The following SAMD3 variants were observed in gnomAD, a reference collection of about 807,000 sequenced individuals.
The protein encoded by SAMD3 is sterile alpha motif domain-containing protein 3.
In SAMD3, 63 loss-of-function variants were observed where a neutral mutation model predicts 58.5. The observed-to-expected ratio is 1.08, with a 90% CI of 0.88 to 1.33. SAMD3 has a LOEUF of 1.33. Ranked by LOEUF, SAMD3 falls within the 40% of genes most tolerant of loss-of-function variation. The pLI, the probability that SAMD3 is intolerant of heterozygous loss-of-function variation, is 0.00. For synonymous variants in SAMD3, 220 were observed against 210.3 expected, an observed-to-expected ratio of 1.05 and a Z score of -0.40; for missense variants, 604 against 608.4, an observed-to-expected ratio of 0.99 and a Z score of 0.08.
At chr6:130,317,093 T>G (rs1776402255) in intron 1 of SAMD3, among the ~76,000 whole-genome samples, 1 of 152,174 alleles carries the variant, frequency 6.6e-6, no homozygotes, top group Non-Finnish European at 1.5e-5. Context: ...ACAATTTGGA[T>G]GTACTAGTAG....
intron 2 of SAMD3, chr6:130,215,695 A>T: frequency 6.9e-7 from 1 of 1,449,776 alleles, no homozygotes; most frequent in Non-Finnish European, 9.1e-7. Flanking sequence ...AGTGGTTGAC[A>T]TTTACAGAAG....
chr6:130,203,026 A>G (rs1794782953), intron 5 of SAMD3, among the ~76,000 whole-genome samples: 1 of 152,188 alleles, frequency 6.6e-6, no homozygotes, highest in Non-Finnish European at 1.5e-5. Context: ...TTCTACAGCA[A>G]CAACCGACTG....
intron 2 of SAMD3, chr6:130,215,559 A>T: frequency 7.5e-7 from 1 of 1,329,744 alleles, no homozygotes; most frequent in Non-Finnish European, 9.6e-7. Flanking sequence ...TTCCACAGGC[A>T]TCTCTAAGCT....
chr6:130,184,966 A>G (rs1336481881), intron 5 of SAMD3, among the ~76,000 whole-genome samples: 1 of 152,256 alleles, frequency 6.6e-6, no homozygotes, highest in Non-Finnish European at 1.5e-5. Flanking sequence ...TAACAAAAAG[A>G]AAATACATTG....
intron 8 of SAMD3, chr6:130,159,555 T>C (rs1790095899): frequency 6.6e-6 from 1 of 152,178 alleles, no homozygotes; most frequent in Non-Finnish European, 1.5e-5. Flanking sequence ...TCGAGGAAGT[T>C]GGTGCAAATT....
chr6:130,149,779 G>T (rs963292173), intron 9 of SAMD3, among the ~76,000 whole-genome samples: 2 of 152,138 alleles, frequency 1.3e-5, no homozygotes, highest in Non-Finnish European at 2.9e-5. Context: ...CGCTACCTGG[G>T]TGATGAAATA....
intron 1 of SAMD3, among the ~76,000 whole-genome samples, chr6:130,358,290 A>T (rs1023339507): frequency 6.6e-6 from 1 of 152,234 alleles, no homozygotes; most frequent in African/African-American, 2.4e-5. Context: ...TTGCCAGAAG[A>T]TTCCTTAAAA....
intron 2 of SAMD3, among the ~76,000 whole-genome samples, chr6:130,289,254 C>G (rs148904181): frequency 0.01 from 1,587 of 152,274 alleles, 15 homozygotes; most frequent in Non-Finnish European, 0.014. Context: ...ATTCAAAGGA[C>G]AAGTGTACAC....
chr6:130,331,372 T>C (rs116969608), intron 1 of SAMD3, among the ~76,000 whole-genome samples: 1 of 151,628 alleles, frequency 6.6e-6, no homozygotes, highest in Non-Finnish European at 1.5e-5. Flanking sequence ...GAACTTACTT[T>C]AAAAAAAAAT....
At chr6:130,175,486 G>A (rs1791636870) in intron 8 of SAMD3, among the ~76,000 whole-genome samples, 2 of 152,042 alleles carry the variant, frequency 1.3e-5, no homozygotes, top group Non-Finnish European at 2.9e-5. Context: ...GACAATGTGA[G>A]TATTAAAAAA....
At chr6:130,343,966 A>AAAAG (rs1562532047) in intron 1 of SAMD3, among the ~76,000 whole-genome samples, 1 of 145,700 alleles carries the variant, frequency 6.9e-6, no homozygotes. Context: ...CTCTGTCTTA[A>AAAAG]AAACAAACAA....
intron 2 of SAMD3, among the ~76,000 whole-genome samples, chr6:130,255,412 T>C (rs529160731): frequency 6.6e-6 from 1 of 152,310 alleles, no homozygotes; most frequent in South Asian, 2.1e-4. Context: ...CCCCCTACTA[T>C]TATTGTATGC....
At chr6:130,252,640 C>T (rs1773777577) in intron 2 of SAMD3, among the ~76,000 whole-genome samples, 1 of 152,124 alleles carries the variant, frequency 6.6e-6, no homozygotes, top group Non-Finnish European at 1.5e-5. Flanking sequence ...GCTAAGAAAA[C>T]ACAAGTAGAA....
chr6:130,194,553 C>T (rs1367113807), intron 5 of SAMD3, among the ~76,000 whole-genome samples: 2 of 152,238 alleles, frequency 1.3e-5, no homozygotes, highest in Non-Finnish European at 2.9e-5. Flanking sequence ...CAAGAACTTC[C>T]AAATGCCTGA....
chr6:130,269,789 T>C (rs1339989263), intron 2 of SAMD3, among the ~76,000 whole-genome samples: 1 of 151,838 alleles, frequency 6.6e-6, no homozygotes, highest in African/African-American at 2.4e-5. Context: ...TTCTACTTTA[T>C]TCAGGTAGCA....
downstream of SAMD3, chr6:130,142,890 T>TG (rs987877946): frequency 2.0e-5 from 3 of 152,226 alleles, no homozygotes; most frequent in South Asian, 6.2e-4. Context: ...AGGAGTAATT[T>TG]GGGGAAATAA....
chr6:130,173,040 C>G (rs954017333), intron 8 of SAMD3, among the ~76,000 whole-genome samples: 1 of 152,200 alleles, frequency 6.6e-6, no homozygotes, highest in Non-Finnish European at 1.5e-5. Context: ...TGTTTTTCAG[C>G]TCCATCAGGT....
intron 1 of SAMD3, among the ~76,000 whole-genome samples, chr6:130,356,018 T>G (rs1227135225): frequency 1.3e-5 from 2 of 152,250 alleles, no homozygotes; most frequent in Non-Finnish European, 2.9e-5. Context: ...CTGTTCCTTT[T>G]TTTCAATTGC....
At chr6:130,239,497 A>G (rs1427177185) in intron 2 of SAMD3, among the ~76,000 whole-genome samples, 1 of 152,192 alleles carries the variant, frequency 6.6e-6, no homozygotes, top group Non-Finnish European at 1.5e-5. Flanking sequence ...ACCAAATAAT[A>G]TTTATAATCA....
Sources: allele counts gnomAD v4.1 joint callset (sites outside exome capture counted in the v4.1 genomes callset), GRCh38; gene constraint gnomAD v4.1.1; transcripts MANE v1.5; gene names NCBI Gene and HGNC (gene_info 2026-07-23, HGNC 2026-07-21).